The following C11orf65 variants were observed in gnomAD, a reference collection of about 807,000 sequenced individuals.
The protein encoded by C11orf65 is protein MFI.
Under a neutral mutation model 35.3 loss-of-function variants are expected in C11orf65, and 38 were observed. The observed-to-expected ratio is 1.08, with a 90% CI of 0.83 to 1.41. The LOEUF (loss-of-function observed/expected upper bound fraction) is 1.41. Among genes scored for constraint, C11orf65 ranks in the 40% most tolerant of loss-of-function variants. The pLI is 0.00. For missense variants in C11orf65, 370 were observed against 367.1 expected, an observed-to-expected ratio of 1.01 and a Z score of -0.06; for synonymous variants, 105 against 114.4, an observed-to-expected ratio of 0.92 and a Z score of 0.53.
downstream of C11orf65, chr11:108,329,447 C>A (rs962579086): frequency 2.8e-5 from 16 of 566,086 alleles, no homozygotes; most frequent in African/African-American, 3.0e-4. Context: ...CACTCTGTCA[C>A]CCAGGCTGGA....
chr11:108,393,915 G>T (rs1178981927), intron 6 of C11orf65, among the ~76,000 whole-genome samples: 1 of 151,998 alleles, frequency 6.6e-6, no homozygotes, highest in Non-Finnish European at 1.5e-5. Context: ...CAGCGCGGTG[G>T]CTCACGCCTA....
chr11:108,331,887 T>C (rs2136515309), intron 3 of C11orf65: 1 of 1,613,358 alleles, frequency 6.2e-7, no homozygotes, highest in East Asian at 2.2e-5. Context: ...AGCTAATCTC[T>C]AGAATTTCAA....
At chr11:108,374,036 G>A (rs2091646565) in intron 2 of C11orf65, among the ~76,000 whole-genome samples, 1 of 152,358 alleles carries the variant, frequency 6.6e-6, no homozygotes, top group South Asian at 2.1e-4. Context: ...CTCCAACTGG[G>A]TGGAGCCCAC....
chr11:108,413,269 C>A (rs921023262), intron 3 of C11orf65, among the ~76,000 whole-genome samples: 5 of 152,138 alleles, frequency 3.3e-5, no homozygotes, highest in African/African-American at 1.2e-4. Flanking sequence ...CAAGTCAGGG[C>A]TTTTAGAGTA....
intron 6 of C11orf65, among the ~76,000 whole-genome samples, chr11:108,323,688 C>A (rs1484061889): frequency 1.3e-5 from 2 of 151,942 alleles, no homozygotes; most frequent in Non-Finnish European, 2.9e-5. Context: ...TATTATGTAT[C>A]CATAAAAATT....
Position 108,413,880 on chromosome 11 carries a change from A to G in C11orf65, c.175-6731T>C, listed in dbSNP as rs557996844. Among the ~76,000 whole-genome samples the G allele has an allele frequency of 3.5e-4, 53 of 152,276 alleles. 1 individual carries two copies. The highest frequency in any genetic ancestry group is 1.1e-3 in the African/African-American group (47 of 41,576). ...TACTTTGAAATAAATGAAAACGAAA[A>G]TACAACTTACTAAAATTTGAGGGAT... On this transcript the variant is annotated intron_variant, in intron 3 of 8. Transcript: ENST00000393084.
intron 6 of C11orf65, chr11:108,319,873 G>T: frequency 1.0e-6 from 1 of 971,562 alleles, no homozygotes; most frequent in Non-Finnish European, 1.6e-6. Context: ...TAAAAATTTT[G>T]TCCTTTGGTG....
At chr11:108,392,900 T>C (rs1267576725) in intron 7 of C11orf65, among the ~76,000 whole-genome samples, 2 of 152,242 alleles carry the variant, frequency 1.3e-5, no homozygotes, top group Non-Finnish European at 2.9e-5. Context: ...AAAACCTTTG[T>C]ATTATTAATT....
intron 6 of C11orf65, 76 bp from the exon 7 acceptor site, chr11:108,393,454 G>A: frequency 7.4e-7 from 1 of 1,344,448 alleles, no homozygotes; most frequent in Non-Finnish European, 1.0e-6. Flanking sequence ...AATATATATT[G>A]TTGCTATTTA....
intron 3 of C11orf65, 141 bp downstream of exon 3, chr11:108,431,605 T>A: frequency 2.4e-6 from 1 of 416,972 alleles, no homozygotes. Flanking sequence ...TATATATGTT[T>A]TATGAACTTT....
chr11:108,379,077 C>T (rs914374168), downstream of C11orf65, among the ~76,000 whole-genome samples: 4 of 152,016 alleles, frequency 2.6e-5, no homozygotes, highest in East Asian at 1.9e-4. Context: ...GGCGATTCCT[C>T]GGGGATCTAG....
intron 2 of C11orf65, among the ~76,000 whole-genome samples, chr11:108,447,875 G>C (rs546636779): frequency 6.6e-6 from 1 of 152,036 alleles, no homozygotes; most frequent in African/African-American, 2.4e-5. Flanking sequence ...CAACAAAATT[G>C]ATAGACTGCT....
At chr11:108,373,430 G>C (rs2091626027) in intron 2 of C11orf65, among the ~76,000 whole-genome samples, 1 of 152,188 alleles carries the variant, frequency 6.6e-6, no homozygotes. Flanking sequence ...AACAAGGCAA[G>C]GATGCCACTC....
chr11:108,397,015 T>C (rs1329415782), intron 6 of C11orf65, among the ~76,000 whole-genome samples: 1 of 152,034 alleles, frequency 6.6e-6, no homozygotes, highest in South Asian at 2.1e-4. Context: ...AACAAACTAA[T>C]GATCTTTTAA....
chr11:108,458,652 C>T (rs2093435524), intron 2 of C11orf65, among the ~76,000 whole-genome samples: 2 of 152,182 alleles, frequency 1.3e-5, no homozygotes, highest in Admixed American at 1.3e-4. Context: ...ACACCACCTC[C>T]TCTCAGAACA....
intron 1 of C11orf65, among the ~76,000 whole-genome samples, chr11:108,466,221 T>G (rs557128772): frequency 6.6e-6 from 1 of 152,134 alleles, no homozygotes; most frequent in African/African-American, 2.4e-5. Context: ...ATATGGTTAT[T>G]ATGATGCTCC....
rs1057517302 is a variant in C11orf65 at position 108,319,953 on chromosome 11, G to A, written c.641-10882C>T. The stretch of plus-strand genomic sequence containing the variant: ...ATTTTTTTCTTTGACTTATCTCACA[G>A]CAAAGAAGTAGAAGGAACCAGTTAC... On this transcript the variant is annotated intron_variant, in intron 6 of 6. Coordinates refer to the C11orf65 transcript ENST00000525729. The A allele has an allele frequency of 6.2e-7, 1 of 1,602,604 alleles. No homozygotes were observed.
At chr11:108,430,060 G>A (rs927451498) in intron 3 of C11orf65, among the ~76,000 whole-genome samples, 1 of 151,878 alleles carries the variant, frequency 6.6e-6, no homozygotes, top group Non-Finnish European at 1.5e-5. Context: ...TTATGGAGAT[G>A]GGTGGTGGTG....
intron 2 of C11orf65, among the ~76,000 whole-genome samples, chr11:108,442,758 T>C (rs1456907697): frequency 6.6e-6 from 1 of 152,142 alleles, no homozygotes; most frequent in African/African-American, 2.4e-5. Context: ...TAAAATACTT[T>C]ACAGACAAGC....
Sources: allele counts gnomAD v4.1 joint callset (sites outside exome capture counted in the v4.1 genomes callset), GRCh38; gene constraint gnomAD v4.1.1; transcripts MANE v1.5; gene names NCBI Gene and HGNC (gene_info 2026-07-23, HGNC 2026-07-21).